ANKS1B: variants seen among roughly 807,000 people sequenced by gnomAD.
ANKS1B encodes the protein ankyrin repeat and sterile alpha motif domain containing 1B.
A neutral mutation model predicts 148.3 loss-of-function variants in ANKS1B; 36 were observed. That is an observed-to-expected ratio of 0.24 (90% CI 0.19 to 0.32). ANKS1B has a LOEUF of 0.32. ANKS1B is among the 10% of genes least tolerant of loss of function. The pLI, the probability that ANKS1B is intolerant of heterozygous loss-of-function variation, is 1.00. For missense variants in ANKS1B, 1,157 were observed against 1,542.6 expected (o/e 0.75, Z 4.19); for synonymous variants, 542 against 560.8 (o/e 0.97, Z 0.47).
chr12:99,947,699 A>G (rs973898239), intron 1 of ANKS1B, among the ~76,000 whole-genome samples: 2 of 152,156 alleles, frequency 1.3e-5, no homozygotes, highest in African/African-American at 4.8e-5. Flanking sequence ...TTCAAGTCTC[A>G]CAAAGCCAGC....
chr12:99,223,871 G>A (rs190160551), intron 14 of ANKS1B, among the ~76,000 whole-genome samples: 17 of 152,256 alleles, frequency 1.1e-4, no homozygotes, highest in Admixed American at 3.3e-4. Context: ...TTGACTGTAC[G>A]TTGAACTATA....
intron 10 of ANKS1B, among the ~76,000 whole-genome samples, chr12:99,487,416 C>T (rs1023869179): frequency 1.3e-5 from 2 of 152,128 alleles, no homozygotes; most frequent in Non-Finnish European, 2.9e-5. Flanking sequence ...ACATGCTTTT[C>T]TATGTTTGTA....
chr12:99,563,624 TAAAATG>T (rs1219548518), intron 9 of ANKS1B, among the ~76,000 whole-genome samples: 1 of 152,032 alleles, frequency 6.6e-6, no homozygotes, highest in Non-Finnish European at 1.5e-5. Context: ...ACAGATATAA[TAAAATG>T]AAAAAGTTTG....
intron 15 of ANKS1B, among the ~76,000 whole-genome samples, chr12:99,136,567 A>C (rs949610712): frequency 1.3e-5 from 2 of 152,220 alleles, no homozygotes; most frequent in Non-Finnish European, 2.9e-5. Context: ...AGGAGAGAGA[A>C]GAGATGATAG....
intron 20 of ANKS1B, among the ~76,000 whole-genome samples, chr12:98,805,579 G>A (rs956183089): frequency 7.9e-5 from 12 of 152,010 alleles, no homozygotes; most frequent in Admixed American, 3.9e-4. Context: ...ACCAACAACT[G>A]AAAAATACAA....
intron 8 of ANKS1B, among the ~76,000 whole-genome samples, chr12:99,719,888 T>A (rs2153552837): frequency 6.6e-6 from 1 of 152,190 alleles, no homozygotes; most frequent in Admixed American, 6.5e-5. Flanking sequence ...CATTCCAACT[T>A]ATACCCCTCA....
intron 12 of ANKS1B, among the ~76,000 whole-genome samples, chr12:99,369,747 A>AAGAAAGATAGATAGAT (rs1555404895): frequency 1.1e-3 from 160 of 143,396 alleles, no homozygotes; most frequent in Middle Eastern, 3.5e-3. Context: ...AATGGATAGA[A>AAGAAAGATAGATAGAT]AGATAGATAG....
intron 10 of ANKS1B, among the ~76,000 whole-genome samples, chr12:99,469,946 C>T (rs977396155): frequency 6.6e-6 from 1 of 151,670 alleles, no homozygotes; most frequent in Admixed American, 6.6e-5. Flanking sequence ...ATAGGAGACC[C>T]CCGTATCTTC....
intron 14 of ANKS1B, among the ~76,000 whole-genome samples, chr12:99,200,326 C>T (rs1425298583): frequency 6.6e-6 from 1 of 152,180 alleles, no homozygotes; most frequent in Non-Finnish European, 1.5e-5. Context: ...CTAAGGTTTA[C>T]TGCTACCATC....
chr12:99,844,506 C>T (rs1335403777), intron 1 of ANKS1B, among the ~76,000 whole-genome samples: 1 of 151,784 alleles, frequency 6.6e-6, no homozygotes, highest in African/African-American at 2.4e-5. Flanking sequence ...AATCCTTCCC[C>T]CATTGCTTTT....
intron 1 of ANKS1B, among the ~76,000 whole-genome samples, chr12:99,948,302 C>T (rs996277714): frequency 1.4e-5 from 2 of 143,326 alleles, no homozygotes; most frequent in African/African-American, 2.6e-5. Flanking sequence ...GGAAAGAAAT[C>T]AAGGAAAAAG....
At chr12:99,062,016 C>T (rs947282992) in intron 16 of ANKS1B, among the ~76,000 whole-genome samples, 13 of 152,088 alleles carry the variant, frequency 8.5e-5, no homozygotes, top group African/African-American at 2.7e-4. Context: ...AGAAAATAGA[C>T]TGGGATGACA....
intron 8 of ANKS1B, among the ~76,000 whole-genome samples, chr12:99,760,631 C>A (rs780822495): frequency 1.3e-5 from 2 of 151,160 alleles, no homozygotes; most frequent in Non-Finnish European, 3.0e-5. Flanking sequence ...TAACATCACA[C>A]CCAGAGGAAC....
At chr12:98,992,835 G>A (rs913890984) in intron 17 of ANKS1B, among the ~76,000 whole-genome samples, 1 of 152,080 alleles carries the variant, frequency 6.6e-6, no homozygotes, top group Non-Finnish European at 1.5e-5. Context: ...CTTATGGTCT[G>A]TTTCTCTTCA....
At chr12:99,158,007 C>T (rs1238810253) in intron 14 of ANKS1B, among the ~76,000 whole-genome samples, 1 of 151,276 alleles carries the variant, frequency 6.6e-6, no homozygotes, top group Non-Finnish European at 1.5e-5. Context: ...TACATGTTGA[C>T]AAAATGTTAT....
chr12:98,776,595 C>G (rs2098678162), intron 24 of ANKS1B, among the ~76,000 whole-genome samples: 1 of 152,186 alleles, frequency 6.6e-6, no homozygotes, highest in South Asian at 2.1e-4. Context: ...TCGGGTCCAG[C>G]TAACTCATAT....
intron 19 of ANKS1B, among the ~76,000 whole-genome samples, chr12:98,820,509 A>G (rs996541017): frequency 6.6e-6 from 1 of 152,234 alleles, no homozygotes; most frequent in African/African-American, 2.4e-5. Context: ...AGCCTTACAT[A>G]AAGTAATTTG....
intron 15 of ANKS1B, among the ~76,000 whole-genome samples, chr12:99,132,640 A>G (rs2153752185): frequency 6.6e-6 from 1 of 152,336 alleles, no homozygotes; most frequent in East Asian, 1.9e-4. Context: ...GTTTAACAAT[A>G]ATATACATAC....
chr12:99,467,553 C>T (rs1304384632), intron 10 of ANKS1B, among the ~76,000 whole-genome samples: 4 of 152,106 alleles, frequency 2.6e-5, no homozygotes, highest in Non-Finnish European at 4.4e-5. Context: ...CTGTCTCAGC[C>T]CAAAATCTCC....
Sources: allele counts gnomAD v4.1 joint callset (sites outside exome capture counted in the v4.1 genomes callset), GRCh38; gene constraint gnomAD v4.1.1; transcripts MANE v1.5; gene names NCBI Gene and HGNC (gene_info 2026-07-23, HGNC 2026-07-21).